The following CAMK1D variants were observed in gnomAD, a reference collection of about 807,000 sequenced individuals.
The protein encoded by CAMK1D is calcium/calmodulin-dependent protein kinase type 1D.
CAMK1D carries 9 observed loss-of-function variants against 47.7 expected under a neutral mutation model. That is an observed-to-expected ratio of 0.19 (90% CI 0.11 to 0.33). The LOEUF (loss-of-function observed/expected upper bound fraction) is 0.33, where lower values mean the gene tolerates loss of function less well. Ranked by LOEUF, CAMK1D falls within the 10% of genes least tolerant of loss-of-function variation. CAMK1D has a pLI of 1.00. For synonymous variants in CAMK1D, 184 were observed against 184.9 expected (o/e 0.99, Z 0.04); for missense variants, 291 against 488.7 (o/e 0.60, Z 3.81).
intron 3 of CAMK1D, among the ~76,000 whole-genome samples, chr10:12,688,945 A>G (rs917796050): frequency 6.6e-6 from 1 of 152,238 alleles, no homozygotes; most frequent in African/African-American, 2.4e-5. Flanking sequence ...GGCCTCCCAA[A>G]GTGCCGGGAT....
At chr10:12,416,678 G>T (rs549841231) in intron 1 of CAMK1D, among the ~76,000 whole-genome samples, 2 of 152,280 alleles carry the variant, frequency 1.3e-5, no homozygotes, top group East Asian at 1.9e-4. Context: ...CCGGAGGGAG[G>T]GCTCTGACTA....
At chr10:12,476,921 A>C (rs1833919677) in intron 1 of CAMK1D, among the ~76,000 whole-genome samples, 1 of 152,064 alleles carries the variant, frequency 6.6e-6, no homozygotes, top group Admixed American at 6.6e-5. Flanking sequence ...CAGTTAGAGG[A>C]GTGGCTGTTA....
chr10:12,670,097 C>A (rs189347856), intron 3 of CAMK1D, among the ~76,000 whole-genome samples: 1 of 147,520 alleles, frequency 6.8e-6, no homozygotes, highest in African/African-American at 2.5e-5. Flanking sequence ...AACCGTCTGA[C>A]AGTTTTCCAA....
At chr10:12,623,423 T>C (rs182637531) in intron 2 of CAMK1D, among the ~76,000 whole-genome samples, 1 of 400 alleles carries the variant, frequency 2.5e-3, no homozygotes, top group African/African-American at 4.6e-3. Flanking sequence ...TTTCTTTCCT[T>C]CCTCCCTCCC....
intron 2 of CAMK1D, among the ~76,000 whole-genome samples, chr10:12,595,342 G>GCAAAAAAAAAAAAAAAA (rs1554794318): frequency 4.2e-5 from 1 of 23,554 alleles, no homozygotes; most frequent in Non-Finnish European, 7.0e-5. Flanking sequence ...AACTCCATCT[G>GCAAAAAAAAAAAAAAAA]AAAAAAAAAA....
At chr10:12,714,859 C>T (rs7069370) in intron 3 of CAMK1D, among the ~76,000 whole-genome samples, 17,755 of 148,066 alleles carry the variant, frequency 0.12, 2,487 homozygotes, top group African/African-American at 0.35. Flanking sequence ...ATACATAATG[C>T]TTCTACCTAT....
intron 1 of CAMK1D, among the ~76,000 whole-genome samples, chr10:12,508,398 A>C (rs1462076135): frequency 6.6e-6 from 1 of 152,282 alleles, no homozygotes; most frequent in African/African-American, 2.4e-5. Context: ...CAGGCCAGAC[A>C]CAAAAGGACA....
chr10:12,728,012 C>T (rs535174411), intron 3 of CAMK1D, among the ~76,000 whole-genome samples: 7 of 152,160 alleles, frequency 4.6e-5, no homozygotes, highest in Non-Finnish European at 5.9e-5. Context: ...ATGATCCGCC[C>T]GCCTCGGCCT....
chr10:12,614,296 T>C (rs1838716549), intron 2 of CAMK1D, among the ~76,000 whole-genome samples: 1 of 152,248 alleles, frequency 6.6e-6, no homozygotes, highest in South Asian at 2.1e-4. Flanking sequence ...CACTTGGTGT[T>C]GTCATTATGC....
intron 1 of CAMK1D, among the ~76,000 whole-genome samples, chr10:12,507,177 A>T (rs571304438): frequency 6.6e-6 from 1 of 152,322 alleles, no homozygotes; most frequent in East Asian, 1.9e-4. Flanking sequence ...AGCCTTGTTT[A>T]CCTGTGACTC....
At chr10:12,797,162 T>A (rs1838231308) in intron 6 of CAMK1D, among the ~76,000 whole-genome samples, 1 of 151,824 alleles carries the variant, frequency 6.6e-6, no homozygotes, top group African/African-American at 2.4e-5. Context: ...TGAGCAGCTC[T>A]TTCTCTTGGC....
At chr10:12,787,371 T>C (rs920903526) in intron 5 of CAMK1D, among the ~76,000 whole-genome samples, 1 of 152,216 alleles carries the variant, frequency 6.6e-6, no homozygotes, top group African/African-American at 2.4e-5. Flanking sequence ...GTGGCCAGTA[T>C]GTTCCTCATT....
intron 6 of CAMK1D, among the ~76,000 whole-genome samples, chr10:12,803,188 T>G (rs577815166): frequency 4.5e-4 from 68 of 152,354 alleles, no homozygotes; most frequent in Middle Eastern, 3.4e-3. Context: ...CGGTGACAGC[T>G]CCGTACATGG....
At chr10:12,713,395 G>A (rs924191458) in intron 3 of CAMK1D, among the ~76,000 whole-genome samples, 6 of 152,180 alleles carry the variant, frequency 3.9e-5, no homozygotes, top group Non-Finnish European at 7.3e-5. Context: ...GGTTGGTGAA[G>A]TGCAGCATTG....
At chr10:12,782,695 C>T (rs1837553305) in intron 5 of CAMK1D, among the ~76,000 whole-genome samples, 1 of 152,164 alleles carries the variant, frequency 6.6e-6, no homozygotes, top group South Asian at 2.1e-4. Context: ...ACCGGAAGAC[C>T]AGCTGTGATC....
chr10:12,385,597 G>A (rs377566741), intron 1 of CAMK1D, among the ~76,000 whole-genome samples: 50 of 152,276 alleles, frequency 3.3e-4, no homozygotes, highest in African/African-American at 1.1e-3. Context: ...AAGGCTGGGG[G>A]TTGGAAGATA....
At chr10:12,491,357 G>T (rs1834378339) in intron 1 of CAMK1D, among the ~76,000 whole-genome samples, 2 of 152,200 alleles carry the variant, frequency 1.3e-5, no homozygotes, top group South Asian at 4.1e-4. Flanking sequence ...TTTGCCAGAA[G>T]CACCTGTATT....
chr10:12,810,571 G>A (rs1015343591), intron 6 of CAMK1D, among the ~76,000 whole-genome samples: 27 of 152,120 alleles, frequency 1.8e-4, no homozygotes, highest in African/African-American at 5.1e-4. Context: ...CACCACACCC[G>A]GCCCAGGTAG....
At chr10:12,653,656 A>C (rs1458742557) in intron 2 of CAMK1D, among the ~76,000 whole-genome samples, 1 of 152,248 alleles carries the variant, frequency 6.6e-6, no homozygotes, top group Non-Finnish European at 1.5e-5. Flanking sequence ...GTATGAGTTC[A>C]ATCCCCCTAA....
Sources: gnomAD v4.1 joint callset for allele counts (sites outside exome capture counted in the v4.1 genomes callset) on GRCh38, gnomAD v4.1.1 for gene constraint, MANE v1.5 for transcripts, NCBI Gene and HGNC (gene_info 2026-07-23, HGNC 2026-07-21) for gene names.